The following SAMD3 variants were observed in gnomAD, a reference collection of about 807,000 sequenced individuals.
SAMD3 encodes sterile alpha motif domain-containing protein 3.
Under a neutral mutation model 58.5 loss-of-function variants are expected in SAMD3, and 63 were observed. That is an observed-to-expected ratio of 1.08 (90% confidence interval 0.88 to 1.33). The LOEUF is 1.33. Among genes scored for constraint, SAMD3 ranks in the 40% most tolerant of loss-of-function variants. The probability of loss-of-function intolerance (pLI) is 0.00; values close to 1 mark genes in which losing one functional copy is unlikely to be tolerated. For synonymous variants in SAMD3, 220 were observed against 210.3 expected, an observed-to-expected ratio of 1.05 and a Z score of -0.40; for missense variants, 604 against 608.4, an observed-to-expected ratio of 0.99 and a Z score of 0.08.
At chr6:130,288,177 T>C (rs533764750) in intron 2 of SAMD3, among the ~76,000 whole-genome samples, 139 of 152,308 alleles carry the variant, frequency 9.1e-4, no homozygotes, top group Admixed American at 1.6e-3. Flanking sequence ...TATACATCTA[T>C]ATAGAGAAAG....
intron 1 of SAMD3, among the ~76,000 whole-genome samples, chr6:130,344,264 C>T (rs991812039): frequency 7.9e-5 from 12 of 152,332 alleles, no homozygotes; most frequent in South Asian, 4.1e-4. Flanking sequence ...GTATGTCTCT[C>T]GCTATCTGTA....
chr6:130,298,372 A>C (rs1425571103), intron 2 of SAMD3, among the ~76,000 whole-genome samples: 1 of 152,078 alleles, frequency 6.6e-6, no homozygotes, highest in Non-Finnish European at 1.5e-5. Flanking sequence ...TTAAAAAAAT[A>C]CTCAGAAGAG....
At chr6:130,226,126 T>C (rs1181652288), upstream of SAMD3, among the ~76,000 whole-genome samples, 1 of 152,232 alleles carries the variant, frequency 6.6e-6, no homozygotes, top group Non-Finnish European at 1.5e-5. Context: ...TCTACCTTTC[T>C]GGAGAGCCTG....
chr6:130,316,012 C>T (rs1583093980), intron 1 of SAMD3, among the ~76,000 whole-genome samples: 1 of 152,050 alleles, frequency 6.6e-6, no homozygotes, highest in Admixed American at 6.6e-5. Context: ...TATTAGGGGC[C>T]GGGCGTGGTG....
chr6:130,189,308 T>A (rs1012260169), intron 5 of SAMD3, among the ~76,000 whole-genome samples: 3 of 152,126 alleles, frequency 2.0e-5, no homozygotes, highest in Non-Finnish European at 2.9e-5. Flanking sequence ...AAGATCTGTA[T>A]GCCATGTGAG....
At chr6:130,300,785 G>T in intron 2 of SAMD3, among the ~76,000 whole-genome samples, 1 of 152,028 alleles carries the variant, frequency 6.6e-6, no homozygotes, top group Non-Finnish European at 1.5e-5. Context: ...CAAAACTTCA[G>T]GATACAAAAT....
chr6:130,305,545 T>C (rs1437937874), intron 2 of SAMD3, among the ~76,000 whole-genome samples: 3 of 152,242 alleles, frequency 2.0e-5, no homozygotes, highest in African/African-American at 7.2e-5. Context: ...ATAAGGCCTT[T>C]GTAGATTCCC....
At chr6:130,178,427 C>T (rs886838572) in intron 7 of SAMD3, among the ~76,000 whole-genome samples, 5 of 151,724 alleles carry the variant, frequency 3.3e-5, no homozygotes, top group African/African-American at 4.8e-5. Context: ...GTGTTTCCCT[C>T]GAGCCCTGGC....
intron 7 of SAMD3, among the ~76,000 whole-genome samples, chr6:130,178,693 T>C (rs17058465): frequency 0.095 from 14,496 of 152,260 alleles, 1,101 homozygotes; most frequent in African/African-American, 0.21. Flanking sequence ...TTAATTTTAG[T>C]TTCTTCAACT....
intron 2 of SAMD3, among the ~76,000 whole-genome samples, chr6:130,277,628 C>T (rs554070209): frequency 6.6e-6 from 1 of 152,166 alleles, no homozygotes; most frequent in South Asian, 2.1e-4. Context: ...GGTGTCACTT[C>T]TTTCAAGGAT....
chr6:130,331,651 C>T (rs939273848), intron 1 of SAMD3, among the ~76,000 whole-genome samples: 4 of 151,950 alleles, frequency 2.6e-5, no homozygotes, highest in African/African-American at 4.8e-5. Context: ...CCCGGGAGGC[C>T]GAGGTTGCAG....
chr6:130,346,563 G>C (rs1777459696), intron 1 of SAMD3, among the ~76,000 whole-genome samples: 1 of 152,194 alleles, frequency 6.6e-6, no homozygotes, highest in Admixed American at 6.5e-5. Flanking sequence ...GGCTTGAGTA[G>C]GTAAACAAAG....
intron 5 of SAMD3, among the ~76,000 whole-genome samples, chr6:130,191,171 G>T (rs1475211981): frequency 6.6e-6 from 1 of 151,884 alleles, no homozygotes; most frequent in Non-Finnish European, 1.5e-5. Context: ...GGGTGATTCA[G>T]GATTCTTCTA....
chr6:130,308,378 C>CTATTCTATTCTATTCTATTCTATTCTATT (rs1775996260), intron 2 of SAMD3, among the ~76,000 whole-genome samples: 4 of 132,340 alleles, frequency 3.0e-5, no homozygotes, highest in African/African-American at 1.2e-4. Context: ...CTATTCTATT[C>CTATTCTATTCTATTCTATTCTATTCTATT]TATTCTATTC....
intron 2 of SAMD3, among the ~76,000 whole-genome samples, chr6:130,256,020 G>A (rs1413391075): frequency 1.3e-5 from 2 of 151,292 alleles, no homozygotes; most frequent in African/African-American, 4.9e-5. Flanking sequence ...CTTGGTTGCT[G>A]TCTTCCTTTG....
chr6:130,228,554 AG>A (rs1379026590), intron 2 of SAMD3, among the ~76,000 whole-genome samples: 2 of 152,114 alleles, frequency 1.3e-5, no homozygotes, highest in African/African-American at 4.8e-5. Context: ...GCATTTCAAG[AG>A]GGTGGGTCAT....
chr6:130,363,624 A>G (rs768155689), intron 1 of SAMD3, among the ~76,000 whole-genome samples: 4 of 152,188 alleles, frequency 2.6e-5, no homozygotes, highest in Non-Finnish European at 5.9e-5. Flanking sequence ...TTTTCACAAC[A>G]CTTTGAAATA....
chr6:130,162,064 T>TCATCAAA, intron 8 of SAMD3: 1 of 513,036 alleles, frequency 1.9e-6, no homozygotes, highest in Non-Finnish European at 3.4e-6. Flanking sequence ...TGTGTGACTT[T>TCATCAAA]AGAGGAATCA....
At chr6:130,298,198 T>C (rs1775631954) in intron 2 of SAMD3, among the ~76,000 whole-genome samples, 2 of 152,100 alleles carry the variant, frequency 1.3e-5, no homozygotes, top group African/African-American at 4.8e-5. Context: ...AGCAGAAACA[T>C]TACAAACCAA....
Sources: gnomAD v4.1 joint callset for allele counts (sites outside exome capture counted in the v4.1 genomes callset) on GRCh38, gnomAD v4.1.1 for gene constraint, MANE v1.5 for transcripts, NCBI Gene and HGNC (gene_info 2026-07-23, HGNC 2026-07-21) for gene names.